MACROD2: variants seen among roughly 807,000 people sequenced by gnomAD.
MACROD2 encodes mono-ADP ribosylhydrolase 2.
In MACROD2, 36 loss-of-function variants were observed where a neutral mutation model predicts 70.4. That is an observed-to-expected ratio of 0.51 (90% CI 0.39 to 0.68). The LOEUF (loss-of-function observed/expected upper bound fraction) is 0.68. Among genes scored for constraint, MACROD2 ranks in the 30% least tolerant of loss-of-function variants. MACROD2 has a pLI of 0.00. For missense variants in MACROD2, 496 were observed against 538.4 expected (o/e 0.92, Z 0.78); for synonymous variants, 172 against 178.8 (o/e 0.96, Z 0.30).
At chr20:15,291,255 A>C (rs1014329674) in intron 6 of MACROD2, among the ~76,000 whole-genome samples, 3 of 152,212 alleles carry the variant, frequency 2.0e-5, no homozygotes, top group African/African-American at 7.2e-5. Flanking sequence ...CTATGCCATC[A>C]CTGGGGGTTC....
At chr20:15,557,034 C>T (rs559459273) in intron 8 of MACROD2, among the ~76,000 whole-genome samples, 3 of 152,196 alleles carry the variant, frequency 2.0e-5, no homozygotes, top group African/African-American at 7.2e-5. Flanking sequence ...GTCATACAGC[C>T]ATGGATTGAT....
intron 3 of MACROD2, among the ~76,000 whole-genome samples, chr20:14,192,672 G>T (rs1430169913): frequency 6.6e-6 from 1 of 152,154 alleles, no homozygotes; most frequent in Non-Finnish European, 1.5e-5. Context: ...TGCAGGCAAA[G>T]GAGTCTCCCC....
At chr20:15,504,133 A>G (rs73257003) in intron 8 of MACROD2, among the ~76,000 whole-genome samples, 7,264 of 152,240 alleles carry the variant, frequency 0.048, 566 homozygotes, top group African/African-American at 0.16. Context: ...CAGCTGGTGT[A>G]GCTGGATACT....
intron 3 of MACROD2, among the ~76,000 whole-genome samples, chr20:14,318,037 G>T (rs951030380): frequency 2.6e-5 from 4 of 152,098 alleles, no homozygotes; most frequent in Admixed American, 2.6e-4. Context: ...GTTTAATCTA[G>T]CCTTTTCTGG....
At chr20:14,400,282 C>G (rs964205885) in intron 3 of MACROD2, among the ~76,000 whole-genome samples, 2 of 152,148 alleles carry the variant, frequency 1.3e-5, no homozygotes, top group Non-Finnish European at 2.9e-5. Flanking sequence ...AGATTTTATT[C>G]TAGGGCTAAT....
chr20:15,398,449 G>A (rs73269021), intron 6 of MACROD2, among the ~76,000 whole-genome samples: 170 of 152,294 alleles, frequency 1.1e-3, no homozygotes, highest in African/African-American at 4.0e-3. Flanking sequence ...AAGTATATGG[G>A]CACAGGTAGG....
At chr20:15,286,548 G>A (rs2077493591) in intron 6 of MACROD2, among the ~76,000 whole-genome samples, 1 of 149,642 alleles carries the variant, frequency 6.7e-6, no homozygotes, top group Non-Finnish European at 1.5e-5. Flanking sequence ...ATAAACAAAG[G>A]GATAAAGATA....
intron 6 of MACROD2, among the ~76,000 whole-genome samples, chr20:15,265,865 C>T (rs2146054982): frequency 6.6e-6 from 1 of 152,286 alleles, no homozygotes; most frequent in African/African-American, 2.4e-5. Context: ...GTTGTGTCTG[C>T]ATTTCTCTCC....
intron 5 of MACROD2, among the ~76,000 whole-genome samples, chr20:15,023,869 A>T (rs2075209650): frequency 6.6e-6 from 1 of 152,000 alleles, no homozygotes; most frequent in Admixed American, 6.6e-5. Context: ...CTTCTCACAC[A>T]TTTTCACTGG....
chr20:14,053,529 A>G (rs544122902), intron 2 of MACROD2: 12 of 152,262 alleles, frequency 7.9e-5, no homozygotes, highest in Admixed American at 5.2e-4. Context: ...TCATCCAAGG[A>G]TGAATGAAAA....
chr20:15,389,116 A>G (rs1387635053), intron 6 of MACROD2, among the ~76,000 whole-genome samples: 3 of 152,140 alleles, frequency 2.0e-5, no homozygotes, highest in African/African-American at 7.2e-5. Context: ...AAAGTTAAGG[A>G]TGGGCCAAGT....
intron 5 of MACROD2, among the ~76,000 whole-genome samples, chr20:14,696,164 C>T: frequency 6.6e-6 from 1 of 151,492 alleles, no homozygotes; most frequent in African/African-American, 2.4e-5. Flanking sequence ...TGAACGAAAA[C>T]TTCTTAGATA....
In MACROD2 at chr20:15,513,025, C is replaced by T. The variant is rs1338799027; in HGVS notation, c.645+13178C>T. Among the ~76,000 whole-genome samples the T allele has an allele frequency of 5.9e-5, 9 of 152,180 alleles. 1 individual carries two copies. The highest frequency in any genetic ancestry group is 3.9e-4 in the Admixed American group (6 of 15,280). ...TTTCCCTTGGGTTCAGTGACATCTA[C>T]AAAGTTCGTTTTTCTAAGTTCCTCC... On this transcript the variant is annotated intron_variant, in intron 8 of 17. Coordinates refer to ENST00000684519, the MANE Select transcript of MACROD2 (RefSeq NM_001351661.2).
chr20:14,229,801 G>A (rs1243697266), intron 3 of MACROD2, among the ~76,000 whole-genome samples: 1 of 152,166 alleles, frequency 6.6e-6, no homozygotes, highest in Non-Finnish European at 1.5e-5. Context: ...AAGCAACCAA[G>A]ATGTCCTTCA....
intron 7 of MACROD2, among the ~76,000 whole-genome samples, chr20:15,484,626 G>T (rs2047141836): frequency 6.6e-6 from 1 of 152,132 alleles, no homozygotes; most frequent in Non-Finnish European, 1.5e-5. Flanking sequence ...AGAATGCTGT[G>T]GCATGTTTCA....
At chr20:14,731,779 C>G (rs1432422064) in intron 5 of MACROD2, among the ~76,000 whole-genome samples, 1 of 152,038 alleles carries the variant, frequency 6.6e-6, no homozygotes, top group Non-Finnish European at 1.5e-5. Context: ...TTCCAGAGGG[C>G]TACATAACAG....
intron 6 of MACROD2, among the ~76,000 whole-genome samples, chr20:15,313,705 C>A (rs1407137101): frequency 6.6e-6 from 1 of 152,012 alleles, no homozygotes; most frequent in Non-Finnish European, 1.5e-5. Flanking sequence ...TTCTGCCTAC[C>A]ACCACCTCTT....
chr20:15,834,724 A>T (rs1347352987), intron 8 of MACROD2, among the ~76,000 whole-genome samples: 1 of 152,176 alleles, frequency 6.6e-6, no homozygotes, highest in Non-Finnish European at 1.5e-5. Flanking sequence ...ACAGTTTCAT[A>T]GATTTTTTTG....
At chr20:15,291,270 T>G (rs1001439169) in intron 6 of MACROD2, among the ~76,000 whole-genome samples, 1 of 152,214 alleles carries the variant, frequency 6.6e-6, no homozygotes, top group Non-Finnish European at 1.5e-5. Context: ...GGGTTCTCAT[T>G]GTTTCTCATC....
Sources: gnomAD v4.1 joint callset for allele counts (sites outside exome capture counted in the v4.1 genomes callset) on GRCh38, gnomAD v4.1.1 for gene constraint, MANE v1.5 for transcripts, NCBI Gene and HGNC (gene_info 2026-07-23, HGNC 2026-07-21) for gene names.